Variants in PRKRIP1 observed in about 807,000 individuals in gnomAD.
PRKRIP1 encodes PRKR-interacting protein 1.
PRKRIP1 carries 29 observed loss-of-function variants against 29.3 expected under a neutral mutation model. The observed-to-expected ratio is 0.99, with a 90% CI of 0.74 to 1.35. The LOEUF (loss-of-function observed/expected upper bound fraction) is 1.35, where lower values mean the gene tolerates loss of function less well. Ranked by LOEUF, PRKRIP1 falls within the 40% of genes most tolerant of loss-of-function variation. PRKRIP1 has a pLI of 0.00. For synonymous variants in PRKRIP1, 90 were observed against 85.1 expected (o/e 1.06, Z -0.32); for missense variants, 247 against 236.8 (o/e 1.04, Z -0.28).
intron 5 of PRKRIP1, among the ~76,000 whole-genome samples, chr7:102,411,837 A>G (rs1436840928): frequency 1.3e-5 from 2 of 148,476 alleles, no homozygotes; most frequent in African/African-American, 5.0e-5. Context: ...TTTTGTTTTT[A>G]GGTAACTATC....
At chr7:102,408,895 C>A (rs1277510899) in intron 5 of PRKRIP1, among the ~76,000 whole-genome samples, 1 of 151,638 alleles carries the variant, frequency 6.6e-6, no homozygotes, top group Non-Finnish European at 1.5e-5. Flanking sequence ...TAAAACAGGC[C>A]AGGCGTGGTG....
At chr7:102,401,657 C>T (rs1398535810) in intron 3 of PRKRIP1, among the ~76,000 whole-genome samples, 2 of 151,980 alleles carry the variant, frequency 1.3e-5, no homozygotes, top group Non-Finnish European at 2.9e-5. Context: ...CGCTTGAACC[C>T]AGGAGTTGGA....
intron 4 of PRKRIP1, among the ~76,000 whole-genome samples, chr7:102,406,490 T>G (rs573175330): frequency 6.6e-6 from 1 of 152,322 alleles, no homozygotes; most frequent in African/African-American, 2.4e-5. Context: ...AGGCACCCAC[T>G]TACCGAGCTT....
intron 2 of PRKRIP1, among the ~76,000 whole-genome samples, chr7:102,398,053 A>G (rs1234190784): frequency 6.7e-6 from 1 of 149,514 alleles, no homozygotes; most frequent in Non-Finnish European, 1.5e-5. Context: ...TCTCAAAAAG[A>G]AAAAAAAAAG....
chr7:102,410,520 A>G (rs1163776345), intron 5 of PRKRIP1, among the ~76,000 whole-genome samples: 1 of 152,068 alleles, frequency 6.6e-6, no homozygotes, highest in Non-Finnish European at 1.5e-5. Flanking sequence ...ACAGCTCCCA[A>G]CCCAGTCAGC....
chr7:102,401,955 T>C (rs1477979895), intron 3 of PRKRIP1, among the ~76,000 whole-genome samples: 1 of 152,164 alleles, frequency 6.6e-6, no homozygotes, highest in Non-Finnish European at 1.5e-5. Flanking sequence ...GGGTCATTGT[T>C]GTGCTGGCTG....
At chr7:102,410,121 C>T (rs988190386) in intron 5 of PRKRIP1, among the ~76,000 whole-genome samples, 4 of 152,116 alleles carry the variant, frequency 2.6e-5, no homozygotes, top group Non-Finnish European at 5.9e-5. Context: ...CCTCCAACCC[C>T]CTGGCAGGCA....
At chr7:102,411,806 GTT>G (rs11361254) in intron 5 of PRKRIP1, among the ~76,000 whole-genome samples, 12 of 142,258 alleles carry the variant, frequency 8.4e-5, no homozygotes, top group African/African-American at 2.3e-4. Context: ...CTTATTTTCT[GTT>G]TTTTTTTTTG....
chr7:102,424,686 C>G (rs2133208890), intron 5 of PRKRIP1, among the ~76,000 whole-genome samples: 1 of 152,320 alleles, frequency 6.6e-6, no homozygotes, highest in East Asian at 1.9e-4. Context: ...TGTTGAAGAG[C>G]TGGGTCGGGA....
chr7:102,396,766 G>T (rs1554570430), intron 1 of PRKRIP1, among the ~76,000 whole-genome samples: 1 of 152,202 alleles, frequency 6.6e-6, no homozygotes, highest in Non-Finnish European at 1.5e-5. Context: ...GCACGGTGGA[G>T]CGGCTTCCCG....
At chr7:102,397,106 C>G (rs371163962) in intron 1 of PRKRIP1, among the ~76,000 whole-genome samples, 16 of 151,902 alleles carry the variant, frequency 1.1e-4, no homozygotes, top group African/African-American at 3.9e-4. Flanking sequence ...AAAGCGTAGC[C>G]CTGGGAAGGT....
chr7:102,423,341 C>T lies in PRKRIP1; in HGVS notation c.458-1673C>T, dbSNP rs142500033. 2,707 of 371,556 alleles carry T rather than the reference C, an allele frequency of 7.3e-3. 13 individuals carry two copies. Among genetic ancestry groups the T allele is most frequent in the Non-Finnish European group, 0.012 (2,147 of 184,976 alleles). The allele number at this position is 371,556 out of a possible 1,614,324, so 23.0% of individuals were successfully genotyped here. ...ATGTTGGTCAGGCTGGTCTCAAACT[C>T]CTGACCTCGTGATCCATCCACCTCG... On this transcript the variant is annotated intron_variant, in intron 5 of 5. Transcript: ENST00000397912.
intron 5 of PRKRIP1, among the ~76,000 whole-genome samples, chr7:102,422,824 G>A (rs1307540960): frequency 6.6e-6 from 1 of 152,158 alleles, no homozygotes; most frequent in African/African-American, 2.4e-5. Flanking sequence ...TATGTGTGTG[G>A]GGTATATATG....
chr7:102,420,704 C>A (rs1401345087), intron 5 of PRKRIP1, among the ~76,000 whole-genome samples: 1 of 152,146 alleles, frequency 6.6e-6, no homozygotes, highest in Non-Finnish European at 1.5e-5. Context: ...TAGTGAGATA[C>A]AGGTTGAGCA....
intron 3 of PRKRIP1, among the ~76,000 whole-genome samples, chr7:102,402,124 C>G (rs1210162978): frequency 6.6e-6 from 1 of 152,078 alleles, no homozygotes; most frequent in Admixed American, 6.6e-5. Flanking sequence ...AGTGGGTTTG[C>G]CTGTCAAAAA....
chr7:102,418,391 A>G (rs1554573384), intron 5 of PRKRIP1, among the ~76,000 whole-genome samples: 1 of 151,682 alleles, frequency 6.6e-6, no homozygotes, highest in African/African-American at 2.4e-5. Context: ...TGGTATTAAA[A>G]CCCAAGGTCT....
chr7:102,397,523 G>C, intron 1 of PRKRIP1, 97 bp from the exon 2 acceptor site: 2 of 986,210 alleles, frequency 2.0e-6, no homozygotes. Flanking sequence ...TCCAGCCTGA[G>C]GAACAGAGCA....
rs1305144587 is a variant in PRKRIP1, at chr7:102,425,091, A to C, written c.535A>C (p.Ser179Arg). 9 of 1,612,976 alleles carry C rather than the reference A, an allele frequency of 5.6e-6. No homozygotes were observed. The highest frequency in any genetic ancestry group is 4.0e-5 in the African/African-American group (3 of 74,938). ...SGTEEEEEVP[S>R]FTMGR ...AACAGAGGAGGAGGAGGAAGTGCCCAGTTTCACCATGGGGCGATGACAATG... is the reference window on the plus strand; with the variant it reads ...AACAGAGGAGGAGGAGGAAGTGCCCCGTTTCACCATGGGGCGATGACAATG... Residue 179 changes from serine (S) to arginine (R), a missense_variant, in exon 6 of 6, where the codon AGT becomes CGT. Physicochemically the swap from Ser to Arg is moderately radical, Grantham distance 110 (BLOSUM62 -1). Coordinates refer to ENST00000397912, the MANE Select transcript of PRKRIP1 (RefSeq NM_024653.4).
At chr7:102,418,411 G>C (rs907412811) in intron 5 of PRKRIP1, among the ~76,000 whole-genome samples, 1 of 152,144 alleles carries the variant, frequency 6.6e-6, no homozygotes, top group African/African-American at 2.4e-5. Flanking sequence ...TGGGGACTAG[G>C]CATGTTCTGT....
Sources: allele counts gnomAD v4.1 joint callset (sites outside exome capture counted in the v4.1 genomes callset), GRCh38; gene constraint gnomAD v4.1.1; transcripts MANE v1.5; gene names NCBI Gene and HGNC (gene_info 2026-07-23, HGNC 2026-07-21).